Variants in RPL18A observed in about 807,000 individuals in gnomAD.
RPL18A encodes large ribosomal subunit protein eL20.
For missense variants in RPL18A, 163 were observed against 254.1 expected (o/e 0.64, Z 2.44); for synonymous variants, 122 against 96.9 (o/e 1.26, Z -1.52).
intron 1 of RPL18A, chr19:17,860,972 A>G (rs1187513827): frequency 8.4e-6 from 3 of 356,328 alleles, no homozygotes; most frequent in Admixed American, 4.4e-5. Context: ...CTGCAAAGCA[A>G]TTCAGGACTG....
At chr19:17,862,417 C>A in intron 3 of RPL18A, 194 bp downstream of exon 3, 1 of 702,232 alleles carries the variant, frequency 1.4e-6, no homozygotes, top group Non-Finnish European at 2.5e-6. Flanking sequence ...TAAATCACAT[C>A]ACATCTGGAA....
chr19:17,863,073 C>T (rs372806572), intron 4 of RPL18A, 46 bp downstream of exon 4: 33 of 1,556,956 alleles, frequency 2.1e-5, no homozygotes, highest in African/African-American at 8.1e-5. Flanking sequence ...CCTGCTCTGA[C>T]GCAGGAGCCC....
rs1429869473 is a variant in RPL18A at position 17,862,211 on chromosome 19, G to A, written c.316G>A (p.Val106Ile). ...CCGGGACCTGACCACCGCAGGCGCT[G>A]TCACCCAGTGCTGTAAGCTGCCTGT... ...EYRDLTTAGA[V>I]TQCYRDMGAR... The change falls in exon 3 of 5, where the codon GTC (valine) becomes ATC (isoleucine). Residue 106 changes from valine (V) to isoleucine (I), a missense_variant. Coordinates refer to ENST00000222247, the MANE Select transcript of RPL18A (RefSeq NM_000980.4). The A allele has an allele frequency of 6.2e-7, 1 of 1,613,368 alleles. No individual in the cohort carries two copies. Among genetic ancestry groups the A allele is most frequent in the Admixed American group, 1.7e-5 (1 of 60,000 alleles).
chr19:17,861,234 G>C, intron 1 of RPL18A, 59 bp from the exon 2 acceptor site: 1 of 1,507,026 alleles, frequency 6.6e-7, no homozygotes, highest in South Asian at 1.1e-5. Flanking sequence ...AGGGAGTGAG[G>C]TGGATCTCCA....
rs2094278556 is a variant in RPL18A at position 17,862,130 on chromosome 19, G to A, written c.235G>A (p.Gly79Arg). 1.9e-6 allele frequency: 3 copies of A among 1,612,206 alleles called. No individual in the cohort carries two copies. Among genetic ancestry groups the A allele is most frequent in the Non-Finnish European group, 2.5e-6 (3 of 1,179,980 alleles). Residue 79 changes from glycine to arginine, a missense_variant, in exon 3 of 5, where the codon GGG (glycine) becomes AGG (arginine). By Grantham distance (125) the Gly-to-Arg change is moderately radical. Coordinates refer to ENST00000222247, the MANE Select transcript of RPL18A (RefSeq NM_000980.4). ...GTCCCCCCTGCGGGTGAAGAACTTCGGGATCTGGCTGCGCTATGACTCCCG... is the reference window on the plus strand; with the variant it reads ...GTCCCCCCTGCGGGTGAAGAACTTCAGGATCTGGCTGCGCTATGACTCCCG... Reference protein sequence around the residue: ...EKSPLRVKNFGIWLRYDSRSG... With the variant: ...EKSPLRVKNFRIWLRYDSRSG...
Position 17,862,237 on chromosome 19 carries a change from C to T in RPL18A, c.328+14C>T, listed in dbSNP as rs1406685569. 1.2e-6 allele frequency: 2 copies of T among 1,612,166 alleles called. No homozygotes were observed. The highest frequency in any genetic ancestry group is 1.7e-6 in the Non-Finnish European group (2 of 1,179,786). On this transcript the variant is annotated intron_variant, in intron 3 of 4. Coordinates refer to ENST00000222247, the MANE Select transcript of RPL18A (RefSeq NM_000980.4). ...TCACCCAGTGCTGTAAGCTGCCTGT[C>T]CCGCCTCCAGCTTTTTAGACCCTCC... is the stretch of plus-strand genomic sequence containing the variant.
chr19:17,861,798 C>T, intron 2 of RPL18A: 1 of 539,548 alleles, frequency 1.9e-6, no homozygotes, highest in Non-Finnish European at 3.3e-6. Flanking sequence ...TGGGTGGTAG[C>T]TAGGTTGGCC....
At chr19:17,862,001 G>A (rs1465881923) in intron 2 of RPL18A, 93 bp from the exon 3 acceptor site, 1 of 1,438,964 alleles carries the variant, frequency 6.9e-7, no homozygotes, top group Non-Finnish European at 9.5e-7. Flanking sequence ...CTGGAGCCTG[G>A]GGTGTGCTTT....
chr19:17,861,069 CAATT>C lies in RPL18A; in HGVS notation c.19-220_19-217del, dbSNP rs368550227. ...CCAGGCAAAGGAGAGGCAGGCAACT[CAATT>C]AATCCTCCCTGGAGACCTCCCTCTC... On this transcript the variant is annotated intron_variant, in intron 1 of 4. Coordinates refer to ENST00000222247, the MANE Select transcript of RPL18A (RefSeq NM_000980.4). 418 of 563,064 alleles carry C rather than the reference CAATT, an allele frequency of 7.4e-4. 3 individuals are homozygous for C. In the East Asian group the frequency reaches 9.2e-3, roughly 12 times the overall value. 34.9% of individuals were successfully genotyped at this position (563,064 alleles called of 1,614,324 possible). A position where few individuals can be genotyped will look rare whatever the true frequency, so the allele number is the denominator to read the frequency against.
chr19:17,861,266 C>T lies in RPL18A; in HGVS notation c.19-27C>T, dbSNP rs777309315. The stretch of plus-strand genomic sequence containing the variant: ...TCCACAGTTGCCTCTGGGTGCTGGC[C>T]TTACCCTCACTCCTGTTTCCTTTCA... On this transcript the variant is annotated intron_variant, in intron 1 of 4. Coordinates refer to ENST00000222247, the MANE Select transcript of RPL18A (RefSeq NM_000980.4). 2.5e-6 allele frequency: 4 copies of T among 1,611,098 alleles called. No homozygotes were observed. The Admixed American group carries it at 6.7e-5, about 27-fold the overall frequency.
intron 3 of RPL18A, 27 bp from the exon 4 acceptor site, chr19:17,862,885 ACACCGT>A: frequency 6.8e-7 from 1 of 1,471,946 alleles, no homozygotes; most frequent in East Asian, 2.3e-5. Context: ...AGCCCAGGCA[ACACCGT>A]CACCCTGGCC....
intron 4 of RPL18A, 39 bp downstream of exon 4, chr19:17,863,066 GCTCT>G: frequency 6.4e-7 from 1 of 1,570,102 alleles, no homozygotes; most frequent in Non-Finnish European, 8.8e-7. Flanking sequence ...GGAAGTGCCT[GCTCT>G]GACGCAGGAG....
At chr19:17,861,140 C>T in intron 1 of RPL18A, 153 bp from the exon 2 acceptor site, 1 of 644,928 alleles carries the variant, frequency 1.6e-6, no homozygotes. Context: ...GGGAGTGTGA[C>T]CTACAGTCAC....
chr19:17,861,229 G>GGA, intron 1 of RPL18A, 64 bp from the exon 2 acceptor site: 1 of 1,464,958 alleles, frequency 6.8e-7, no homozygotes, highest in South Asian at 1.2e-5. Context: ...AGGAAAGGGA[G>GGA]TGAGGTGGAT....
chr19:17,861,286 C>T lies in RPL18A; in HGVS notation c.19-7C>T. Reference sequence around the variant, plus strand: ...CTGGCCTTACCCTCACTCCTGTTTCCTTTCAGCTACGAGAGTACAAGGTAG... The same window carrying T: ...CTGGCCTTACCCTCACTCCTGTTTCTTTTCAGCTACGAGAGTACAAGGTAG... On this transcript the variant is annotated splice_region_variant and splice_polypyrimidine_tract_variant and intron_variant, in intron 1 of 4. Coordinates refer to ENST00000222247, the MANE Select transcript of RPL18A (RefSeq NM_000980.4). 1.9e-6 allele frequency: 3 copies of T among 1,613,742 alleles called. No individual in the cohort carries two copies. The highest frequency in any genetic ancestry group is 2.5e-6 in the Non-Finnish European group (3 of 1,179,784).
chr19:17,862,843 G>T, intron 3 of RPL18A, 75 bp from the exon 4 acceptor site: 6 of 967,444 alleles, frequency 6.2e-6, no homozygotes, highest in Non-Finnish European at 1.0e-5. Flanking sequence ...AGGTCATTGG[G>T]CAGGCACTCA....
At position 17,859,925 on chromosome 19, in the gene RPL18A, T is replaced by G; in HGVS notation, c.-32T>G. 6.5e-7 allele frequency: 1 copy of G among 1,543,452 alleles called. No individual in the cohort carries two copies. The highest frequency in any genetic ancestry group is 1.2e-5 in the South Asian group (1 of 83,440). Reference sequence around the variant, plus strand: ...GCTGCGCGACAGAGGACACTTCCTTTTGCGGGTGGCGGCGAACGCGGAGAG... The same window carrying G: ...GCTGCGCGACAGAGGACACTTCCTTGTGCGGGTGGCGGCGAACGCGGAGAG... On this transcript the variant is annotated 5_prime_UTR_variant, in exon 1 of 5. Coordinates refer to ENST00000222247, the MANE Select transcript of RPL18A (RefSeq NM_000980.4).
chr19:17,860,908 G>A, intron 1 of RPL18A: 1 of 228,442 alleles, frequency 4.4e-6, no homozygotes, highest in South Asian at 5.6e-5. Context: ...GCCTCAGGGT[G>A]AAAGAAGATG....
chr19:17,861,542 G>T, intron 2 of RPL18A, 70 bp downstream of exon 2: 1 of 1,239,926 alleles, frequency 8.1e-7, no homozygotes, highest in Non-Finnish European at 1.1e-6. Context: ...TGCATCTCAA[G>T]AATTAATCAG....
Sources: allele counts gnomAD v4.1 joint callset, GRCh38; gene constraint gnomAD v4.1.1; transcripts MANE v1.5; gene names NCBI Gene and HGNC (gene_info 2026-07-23, HGNC 2026-07-21).